The following OGG1 variants were observed in gnomAD, a reference collection of about 807,000 sequenced individuals.
The protein encoded by OGG1 is 8-oxoguanine DNA glycosylase, also known as N-glycosylase/DNA lyase.
OGG1 carries 35 observed loss-of-function variants against 42.3 expected under a neutral mutation model. The ratio of observed to expected loss-of-function variants is 0.83; its 90% confidence interval spans 0.63 to 1.10. OGG1 has a LOEUF of 1.10. Ranked by LOEUF, OGG1 falls within the 50% of genes least tolerant of loss-of-function variation. OGG1 has a pLI of 0.00. For synonymous variants in OGG1, 189 were observed against 179.0 expected (o/e 1.06, Z -0.44); for missense variants, 484 against 446.7 (o/e 1.08, Z -0.75).
chr3:9,768,869 T>C (rs949999922), downstream of OGG1, among the ~76,000 whole-genome samples: 1 of 152,054 alleles, frequency 6.6e-6, no homozygotes, highest in Non-Finnish European at 1.5e-5. Flanking sequence ...TGCCCACCCA[T>C]CCAGGGGCAG....
At chr3:9,764,630 T>G (rs1279734031) in intron 7 of OGG1, among the ~76,000 whole-genome samples, 9 of 33,454 alleles carry the variant, frequency 2.7e-4, no homozygotes, top group Non-Finnish European at 4.5e-4. Context: ...TTTTTTTTGT[T>G]TTTTTTTTTT....
At chr3:9,776,678 C>T (rs1041075537) in intron 2 of OGG1, among the ~76,000 whole-genome samples, 2 of 152,248 alleles carry the variant, frequency 1.3e-5, no homozygotes, top group South Asian at 2.1e-4. Context: ...CGTGAGCCAC[C>T]GTGCCCGGCC....
intron 7 of OGG1, among the ~76,000 whole-genome samples, chr3:9,763,986 C>CA (rs1463561203): frequency 1.3e-5 from 2 of 151,634 alleles, no homozygotes; most frequent in African/African-American, 4.8e-5. Context: ...AACTCCATCT[C>CA]AAAAAAAATA....
chr3:9,774,588 G>A (rs937321320), intron 2 of OGG1, among the ~76,000 whole-genome samples: 2 of 152,062 alleles, frequency 1.3e-5, no homozygotes, highest in African/African-American at 4.8e-5. Flanking sequence ...CAGCACACAG[G>A]ATTGATAACA....
In OGG1 at chr3:9,776,458, C is replaced by T. The variant is rs534449743; in HGVS notation, c.295-5055C>T. Among the ~76,000 whole-genome samples the T allele has an allele frequency of 1.2e-3, 167 of 144,436 alleles. 1 individual carries two copies. Among genetic ancestry groups the T allele is most frequent in the Middle Eastern group, 3.7e-3 (1 of 270 alleles). The allele number at this position is 144,436 out of a possible 152,430, so 94.8% of individuals were successfully genotyped here. A position where few individuals can be genotyped will look rare whatever the true frequency, so the allele number is the denominator to read the frequency against. On this transcript the variant is annotated intron_variant, in intron 2 of 3. Coordinates refer to the OGG1 transcript ENST00000426518. ...AGGCTGGAGTGCAGTGGCGCGATCT[C>T]GGCTCACTGCAAGCTCCGCCTCCCG...
intron 2 of OGG1, among the ~76,000 whole-genome samples, chr3:9,777,649 T>C (rs2078381991): frequency 6.6e-6 from 1 of 152,076 alleles, no homozygotes; most frequent in Non-Finnish European, 1.5e-5. Context: ...AAAGTTAAGT[T>C]TCTTCTCTGG....
intron 3 of OGG1, chr3:9,781,604 G>A (rs1365309746): frequency 2.2e-6 from 1 of 456,084 alleles, no homozygotes; most frequent in Non-Finnish European, 4.4e-6. Flanking sequence ...ACAGGAGGTG[G>A]GTGAGACACC....
chr3:9,787,221 T>C (rs764146977), intron 3 of OGG1: 5 of 1,614,210 alleles, frequency 3.1e-6, no homozygotes, highest in South Asian at 2.2e-5. Context: ...GTTCGGTCAG[T>C]GGCCCCATGA....
Position 9,750,381 on chromosome 3 carries a change from A to C in OGG1, c.95A>C (p.Glu32Ala), listed in dbSNP as rs2077242617. The change falls in exon 1 of 7, where the codon GAG becomes GCG. Residue 32 changes from glutamate (E) to alanine (A), a missense_variant. Transcript: ENST00000344629. ...LWASIPCPRS[E>A]LRLDLVLPSG... ...GCCTCCATCCCGTGCCCTCGCTCTG[A>C]GCTGCGCCTGGACCTGGTTCTGCCT... is the stretch of plus-strand genomic sequence containing the variant. 1 of 1,613,852 alleles carries C rather than the reference A, an allele frequency of 6.2e-7. No individual in the cohort carries two copies. The highest frequency in any genetic ancestry group is 8.5e-7 in the Non-Finnish European group (1 of 1,180,030).
At position 9,751,648 on chromosome 3, in the gene OGG1, GCTGA is replaced by G. The variant is rs2077305674; in HGVS notation, c.386-119_386-116del. The G allele has an allele frequency of 2.0e-5, 18 of 903,864 alleles. No homozygotes were observed. In the South Asian group the frequency reaches 2.2e-4, roughly 11 times the overall value. 56.0% of individuals were successfully genotyped at this position (903,864 alleles called of 1,614,324 possible). ...GTCTGGTGTTGCTTTCTCTAACGGT[GCTGA>G]CTCTCATTCTCCTGGGATCCTCCTG... is the stretch of plus-strand genomic sequence containing the variant. On this transcript the variant is annotated intron_variant, in intron 2 of 6. Transcript: ENST00000344629.
downstream of OGG1, among the ~76,000 whole-genome samples, chr3:9,768,082 C>T (rs867513078): frequency 2.0e-5 from 3 of 152,138 alleles, no homozygotes; most frequent in South Asian, 6.2e-4. Context: ...CTAGGGAAAC[C>T]CTGACTTCTG....
Position 9,757,006 on chromosome 3 carries a change from A to G in OGG1, c.949-55A>G. 6.2e-7 allele frequency: 1 copy of G among 1,613,110 alleles called. No individual in the cohort carries two copies. Among genetic ancestry groups the G allele is most frequent in the African/African-American group, 1.3e-5 (1 of 74,912 alleles). Reference sequence around the variant, plus strand: ...ACCTCCCAACACTGTCACTAGTCTCACCAGCCCTGACCCCAGTGTACCCTC... The same window carrying G: ...ACCTCCCAACACTGTCACTAGTCTCGCCAGCCCTGACCCCAGTGTACCCTC... On this transcript the variant is annotated intron_variant, in intron 6 of 6. Transcript: ENST00000344629. The surrounding 1 kb of genome is among the most constrained non-coding windows in gnomAD (Gnocchi z 4.5).
At chr3:9,765,989 A>G in exon 8 of OGG1, 1 of 1,614,122 alleles carries the variant, frequency 6.2e-7, no homozygotes, top group Non-Finnish European at 8.5e-7. Flanking sequence ...CTGCTGGACC[A>G]AGGACGTGGA....
chr3:9,751,148 G>A lies in OGG1; in HGVS notation c.341G>A (p.Gly114Asp), dbSNP rs769497661. The A allele has an allele frequency of 2.5e-6, 4 of 1,614,022 alleles. No homozygotes were observed. Among genetic ancestry groups the A allele is most frequent in the South Asian group, 1.1e-5 (1 of 91,078 alleles). The change falls in exon 2 of 7, where the codon GGT becomes GAT. Residue 114 changes from glycine to aspartate, a missense_variant. Transcript: ENST00000344629. ...VTLAQLYHHW[G>D]SVDSHFQEVA... The stretch of plus-strand genomic sequence containing the variant: ...CTGGCTCAACTGTATCACCACTGGG[G>A]TTCCGTGGACTCCCACTTCCAAGAG...
intron 2 of OGG1, 82 bp from the exon 3 acceptor site, chr3:9,751,688 A>T: frequency 7.6e-7 from 1 of 1,314,112 alleles, no homozygotes; most frequent in Non-Finnish European, 1.1e-6. Context: ...GAGTTTTGGT[A>T]CCTAGGATCT....
intron 2 of OGG1, among the ~76,000 whole-genome samples, chr3:9,772,228 A>G (rs1473250303): frequency 6.6e-6 from 1 of 152,170 alleles, no homozygotes; most frequent in Non-Finnish European, 1.5e-5. Flanking sequence ...CTTTCTTAGT[A>G]TTTCTATTGA....
At chr3:9,770,367 T>G (rs3872715), downstream of OGG1, among the ~76,000 whole-genome samples, 36,468 of 151,874 alleles carry the variant, frequency 0.24, 4,809 homozygotes, top group East Asian at 0.58. Context: ...GCCCTGGAAC[T>G]GCACGGGAGT....
At chr3:9,767,890 A>G (rs933030981), downstream of OGG1, 2 of 1,369,234 alleles carry the variant, frequency 1.5e-6, no homozygotes, top group Non-Finnish European at 1.9e-6. Flanking sequence ...TCCTTGATTC[A>G]TCCATTTGAC....
downstream of OGG1, chr3:9,760,672 G>A (rs143142172): frequency 3.4e-5 from 55 of 1,613,856 alleles, no homozygotes; most frequent in Middle Eastern, 1.6e-4. Flanking sequence ...CAGAGATGTC[G>A]TCCCAGTAAG....
Sources: allele counts gnomAD v4.1 joint callset (sites outside exome capture counted in the v4.1 genomes callset), GRCh38; gene constraint gnomAD v4.1.1; non-coding constraint Gnocchi (gnomAD v3.1); transcripts MANE v1.5; gene names NCBI Gene and HGNC (gene_info 2026-07-23, HGNC 2026-07-21).